The following TENM1 variants were observed in gnomAD, a reference collection of about 807,000 sequenced individuals.
TENM1 encodes the protein teneurin-1.
In TENM1, 35 loss-of-function variants were observed where a neutral mutation model predicts 174.8. That is an observed-to-expected ratio of 0.20 (90% CI 0.15 to 0.27). The LOEUF (loss-of-function observed/expected upper bound fraction) is 0.27, where lower values mean the gene tolerates loss of function less well. Among genes scored for constraint, TENM1 ranks in the 10% least tolerant of loss-of-function variants. The pLI, the probability that TENM1 is intolerant of heterozygous loss-of-function variation, is 1.00. For missense variants in TENM1, 1,633 were observed against 2,130.1 expected, an observed-to-expected ratio of 0.77 and a Z score of 4.59; for synonymous variants, 781 against 798.7, an observed-to-expected ratio of 0.98 and a Z score of 0.37.
intron 11 of TENM1, among the ~76,000 whole-genome samples, chrX:124,582,786 G>C (rs919967318): frequency 8.9e-6 from 1 of 112,137 alleles, no homozygotes; most frequent in Admixed American, 9.4e-5. Flanking sequence ...CCTAGTCAAA[G>C]AAAGGGGTGA....
At chrX:124,453,891 A>G (rs1223986506) in intron 22 of TENM1, among the ~76,000 whole-genome samples, 3 of 111,816 alleles carry the variant, frequency 2.7e-5, no homozygotes, top group Non-Finnish European at 5.6e-5. Flanking sequence ...CGATTGCATT[A>G]GGAAATAACT....
chrX:124,418,040 CCT>C (rs2060613052), intron 25 of TENM1, among the ~76,000 whole-genome samples: 2 of 112,241 alleles, frequency 1.8e-5, no homozygotes, highest in African/African-American at 6.5e-5. Context: ...GTTAGGTTCC[CCT>C]GTTTCCACTA....
chrX:125,181,018 C>A, the TENM1 span, among the ~76,000 whole-genome samples: 1 of 111,893 alleles, frequency 8.9e-6, no homozygotes, highest in Non-Finnish European at 1.9e-5. Flanking sequence ...TCATTCCCCC[C>A]TACCAGATGA....
At chrX:124,522,407 G>A (rs1203992059) in intron 17 of TENM1, among the ~76,000 whole-genome samples, 1 of 111,425 alleles carries the variant, frequency 9.0e-6, no homozygotes, top group East Asian at 2.8e-4. Context: ...TTTCTATAAT[G>A]TGGTGAGGGA....
chrX:124,896,761 A>G (rs1473153770), intron 1 of TENM1, among the ~76,000 whole-genome samples: 1 of 112,124 alleles, frequency 8.9e-6, no homozygotes, highest in African/African-American at 3.2e-5. Context: ...AAACATGTTA[A>G]TTTAAACTCT....
At chrX:124,674,741 A>G (rs191384146) in intron 5 of TENM1, among the ~76,000 whole-genome samples, 34 of 111,322 alleles carry the variant, frequency 3.1e-4, no homozygotes, top group Non-Finnish European at 4.5e-4. Context: ...CACCTGTTCC[A>G]ATTAGAGGTA....
chrX:124,470,269 T>G (rs1006047012), intron 22 of TENM1, among the ~76,000 whole-genome samples: 5 of 112,021 alleles, frequency 4.5e-5, no homozygotes, highest in Non-Finnish European at 7.5e-5. Context: ...TATAATATCG[T>G]GCAGCTCTTA....
chrX:124,707,370 AT>A (rs1234849979), intron 4 of TENM1, among the ~76,000 whole-genome samples: 1 of 110,977 alleles, frequency 9.0e-6, no homozygotes, highest in Non-Finnish European at 1.9e-5. Context: ...AATTGTGCAT[AT>A]TTATGGGGTA....
At chrX:124,549,964 G>A (rs2048522716) in intron 14 of TENM1, among the ~76,000 whole-genome samples, 1 of 108,752 alleles carries the variant, frequency 9.2e-6, no homozygotes, top group Admixed American at 9.9e-5. Context: ...CCTACTGACA[G>A]CCAAGCTCAG....
intron 3 of TENM1, among the ~76,000 whole-genome samples, chrX:124,830,022 G>C (rs1372811747): frequency 9.1e-6 from 1 of 110,178 alleles, no homozygotes; most frequent in Non-Finnish European, 1.9e-5. Context: ...GGTGGTCCCG[G>C]CTTAGTGTAA....
At chrX:124,403,163 A>G (rs1411114796) in intron 27 of TENM1, among the ~76,000 whole-genome samples, 15 of 111,275 alleles carry the variant, frequency 1.3e-4, no homozygotes, top group Non-Finnish European at 2.3e-4. Context: ...AAACAAAACC[A>G]AACAACAACA....
exon 30 of TENM1, chrX:124,384,218 T>A: frequency 3.3e-6 from 4 of 1,210,937 alleles, no homozygotes; most frequent in Non-Finnish European, 4.5e-6. Context: ...CAGCAGGCCA[T>A]TAGAATTATA....
chrX:125,151,125 T>C, the TENM1 span, among the ~76,000 whole-genome samples: 2 of 111,922 alleles, frequency 1.8e-5, no homozygotes, highest in Non-Finnish European at 3.8e-5. Context: ...GTATAATGCA[T>C]CCCGAGCTTA....
intron 11 of TENM1, among the ~76,000 whole-genome samples, chrX:124,571,478 C>T (rs1014268259): frequency 9.0e-6 from 1 of 110,554 alleles, no homozygotes; most frequent in African/African-American, 3.3e-5. Flanking sequence ...CACAACAAAG[C>T]CAAGAGCAGA....
At chrX:124,894,894 G>A (rs1042239406) in intron 2 of TENM1, among the ~76,000 whole-genome samples, 7 of 110,842 alleles carry the variant, frequency 6.3e-5, no homozygotes, top group African/African-American at 6.6e-5. Flanking sequence ...TCTCATTTCC[G>A]TACGTTACTT....
chrX:124,719,811 C>G (rs148818816), intron 4 of TENM1, among the ~76,000 whole-genome samples: 2 of 112,297 alleles, frequency 1.8e-5, no homozygotes, highest in Non-Finnish European at 1.9e-5. Context: ...TAAACCTGGA[C>G]TTATTTTTTC....
the TENM1 span, among the ~76,000 whole-genome samples, chrX:125,127,694 T>C: frequency 9.0e-6 from 1 of 110,902 alleles, no homozygotes; most frequent in Non-Finnish European, 1.9e-5. Context: ...GTAATTTAGT[T>C]TAGTCCTGTA....
At chrX:124,784,373 G>T (rs2054988258) in intron 3 of TENM1, among the ~76,000 whole-genome samples, 1 of 111,567 alleles carries the variant, frequency 9.0e-6, no homozygotes, top group Admixed American at 9.6e-5. Context: ...ACAAAAAAGA[G>T]AATGGAAATT....
intron 11 of TENM1, among the ~76,000 whole-genome samples, chrX:124,574,685 AT>A (rs35612260): frequency 0.24 from 26,213 of 108,974 alleles, 2,427 homozygotes; most frequent in South Asian, 0.39. Context: ...AACTATGAGG[AT>A]TTTTCTCATT....
Sources: gnomAD v4.1 joint callset for allele counts (sites outside exome capture counted in the v4.1 genomes callset) on GRCh38, gnomAD v4.1.1 for gene constraint, MANE v1.5 for transcripts, NCBI Gene and HGNC (gene_info 2026-07-23, HGNC 2026-07-21) for gene names.